The following GALNT13 variants were observed in gnomAD, a reference collection of about 807,000 sequenced individuals.
GALNT13 encodes polypeptide N-acetylgalactosaminyltransferase 13.
GALNT13 carries 28 observed loss-of-function variants against 64.2 expected under a neutral mutation model. That is an observed-to-expected ratio of 0.44 (90% confidence interval 0.32 to 0.60). The LOEUF is 0.60. Ranked by LOEUF, GALNT13 falls within the 20% of genes least tolerant of loss-of-function variation. GALNT13 has a pLI of 0.05. For missense variants in GALNT13, 577 were observed against 669.8 expected (o/e 0.86, Z 1.53); for synonymous variants, 214 against 224.6 (o/e 0.95, Z 0.42).
rs188349125 is a variant in GALNT13, at chr2:154,317,454, G to C, written c.1156+15865G>C. The stretch of plus-strand genomic sequence containing the variant: ...TAATCTTTTAGCGATGTTCTAGTGA[G>C]AATTGAATAAGAAGCTGGATTTGAT... On this transcript the variant is annotated intron_variant, in intron 9 of 12. Coordinates refer to ENST00000392825, the MANE Select transcript of GALNT13 (RefSeq NM_052917.4). Among the ~76,000 whole-genome samples, 2 of 152,084 alleles carry C rather than the reference G, an allele frequency of 1.3e-5. 1 individual carries two copies.
chr2:153,631,739 T>C, the GALNT13 span, among the ~76,000 whole-genome samples: 1 of 152,224 alleles, frequency 6.6e-6, no homozygotes, highest in Non-Finnish European at 1.5e-5. Flanking sequence ...TGCAAAAATG[T>C]TCTCCCATTC....
chr2:153,260,290 G>T, the GALNT13 span, among the ~76,000 whole-genome samples: 1 of 152,116 alleles, frequency 6.6e-6, no homozygotes, highest in Non-Finnish European at 1.5e-5. Context: ...CATTACCAGT[G>T]AATTTTATAC....
chr2:153,383,246 T>A, the GALNT13 span, among the ~76,000 whole-genome samples: 24 of 152,040 alleles, frequency 1.6e-4, no homozygotes, highest in African/African-American at 5.8e-4. Context: ...AATTTGAACA[T>A]CTCCTAAGTG....
the GALNT13 span, among the ~76,000 whole-genome samples, chr2:153,364,132 A>G: frequency 6.6e-6 from 1 of 152,216 alleles, no homozygotes; most frequent in African/African-American, 2.4e-5. Flanking sequence ...AACCAATGAC[A>G]AAAACCACAT....
At chr2:153,532,886 T>C in the GALNT13 span, among the ~76,000 whole-genome samples, 4 of 152,194 alleles carry the variant, frequency 2.6e-5, no homozygotes, top group African/African-American at 9.6e-5. Flanking sequence ...TTTCCTTATT[T>C]TGAAACAACT....
At chr2:153,999,449 G>T (rs965602987) in intron 3 of GALNT13, among the ~76,000 whole-genome samples, 2 of 151,904 alleles carry the variant, frequency 1.3e-5, no homozygotes, top group Admixed American at 6.6e-5. Context: ...TTAGCTGTGG[G>T]TTTATCATAT....
At chr2:153,825,153 T>C in the GALNT13 span, among the ~76,000 whole-genome samples, 2 of 152,184 alleles carry the variant, frequency 1.3e-5, no homozygotes, top group Non-Finnish European at 2.9e-5. Flanking sequence ...ATGTTTTTGG[T>C]GATCAGAGCT....
the GALNT13 span, among the ~76,000 whole-genome samples, chr2:153,780,234 T>TATATGC: frequency 0.062 from 658 of 10,548 alleles, 16 homozygotes; most frequent in African/African-American, 0.13. Flanking sequence ...TATATATATA[T>TATATGC]ATATATATAT....
intron 1 of GALNT13, among the ~76,000 whole-genome samples, chr2:153,877,584 T>G (rs964378355): frequency 4.6e-5 from 7 of 152,146 alleles, no homozygotes; most frequent in Non-Finnish European, 1.5e-5. Flanking sequence ...GATTTTGACA[T>G]ATGAGGAGGA....
chr2:153,359,630 CAAAAAAAAAAAAAAAAAAAAA>C, the GALNT13 span, among the ~76,000 whole-genome samples: 2 of 38,220 alleles, frequency 5.2e-5, no homozygotes, highest in African/African-American at 1.0e-4. Context: ...CAGCTTTCAG[CAAAAAAAAAAAAAAAAAAAAA>C]AAAAAAAAAA....
At chr2:153,164,671 G>T in the GALNT13 span, among the ~76,000 whole-genome samples, 1 of 152,050 alleles carries the variant, frequency 6.6e-6, no homozygotes, top group Admixed American at 6.6e-5. Context: ...TTTTGTGTGT[G>T]TATGTGTGGC....
the GALNT13 span, among the ~76,000 whole-genome samples, chr2:153,635,889 A>T: frequency 6.6e-6 from 1 of 152,040 alleles, no homozygotes; most frequent in Non-Finnish European, 1.5e-5. Flanking sequence ...GAAATTTCAG[A>T]TGCTTTGAGG....
At chr2:153,097,659 T>C in the GALNT13 span, among the ~76,000 whole-genome samples, 309 of 152,318 alleles carry the variant, frequency 2.0e-3, no homozygotes, top group African/African-American at 6.2e-3. Context: ...AATCCTTTTA[T>C]TCAGAGTTAA....
At chr2:153,352,606 TGTGATCCTTTTGA>T in the GALNT13 span, among the ~76,000 whole-genome samples, 1 of 152,140 alleles carries the variant, frequency 6.6e-6, no homozygotes, top group Non-Finnish European at 1.5e-5. Context: ...CATTTAGTTC[TGTGATCCTTTTGA>T]GTTAATTTTT....
the GALNT13 span, among the ~76,000 whole-genome samples, chr2:153,089,736 A>C: frequency 6.6e-6 from 1 of 151,812 alleles, no homozygotes; most frequent in Non-Finnish European, 1.5e-5. Context: ...AGCTCTTTCC[A>C]GTATATTTTG....
the GALNT13 span, among the ~76,000 whole-genome samples, chr2:153,454,424 T>C: frequency 6.6e-6 from 1 of 152,176 alleles, no homozygotes; most frequent in East Asian, 1.9e-4. Flanking sequence ...AGCTGAGACC[T>C]GTTCTTTGAA....
At chr2:153,078,390 C>G in the GALNT13 span, among the ~76,000 whole-genome samples, 2 of 150,894 alleles carry the variant, frequency 1.3e-5, no homozygotes, top group Non-Finnish European at 2.9e-5. Context: ...CAGCTCACTG[C>G]AACGTCTGCC....
At chr2:153,105,731 CAGAG>C in the GALNT13 span, among the ~76,000 whole-genome samples, 41 of 152,078 alleles carry the variant, frequency 2.7e-4, no homozygotes, top group African/African-American at 8.2e-4. Context: ...CAATAACAGA[CAGAG>C]AGCCAAATCA....
At chr2:153,709,458 A>T in the GALNT13 span, among the ~76,000 whole-genome samples, 312 of 152,186 alleles carry the variant, frequency 2.1e-3, 1 homozygote, top group African/African-American at 6.4e-3. Flanking sequence ...CACATCTATC[A>T]GAATTAGCTA....
Sources: allele counts gnomAD v4.1 joint callset (sites outside exome capture counted in the v4.1 genomes callset), GRCh38; gene constraint gnomAD v4.1.1; transcripts MANE v1.5; gene names NCBI Gene and HGNC (gene_info 2026-07-23, HGNC 2026-07-21).